IMMP2L: variants seen among roughly 807,000 people sequenced by gnomAD.
IMMP2L encodes mitochondrial inner membrane protease subunit 2.
IMMP2L carries 18 observed loss-of-function variants against 19.3 expected under a neutral mutation model. The ratio of observed to expected loss-of-function variants is 0.93; its 90% CI spans 0.64 to 1.38. The LOEUF (loss-of-function observed/expected upper bound fraction) is 1.38. IMMP2L is among the 40% of genes most tolerant of loss of function. The pLI is 0.00. For synonymous variants in IMMP2L, 76 were observed against 73.0 expected, an observed-to-expected ratio of 1.04 and a Z score of -0.21; for missense variants, 233 against 218.2, an observed-to-expected ratio of 1.07 and a Z score of -0.43.
chr7:110,667,008 A>T (rs1791507535), intron 5 of IMMP2L, among the ~76,000 whole-genome samples: 1 of 152,094 alleles, frequency 6.6e-6, no homozygotes, highest in African/African-American at 2.4e-5. Flanking sequence ...AGTAGCTGGG[A>T]CTACGGGCAC....
intron 3 of IMMP2L, among the ~76,000 whole-genome samples, chr7:111,318,757 T>C (rs1824373872): frequency 6.6e-6 from 1 of 152,160 alleles, no homozygotes; most frequent in Non-Finnish European, 1.5e-5. Context: ...TAATAGATTC[T>C]TTTAAAAATA....
chr7:111,422,829 A>G (rs886088062), intron 3 of IMMP2L, among the ~76,000 whole-genome samples: 1 of 151,820 alleles, frequency 6.6e-6, no homozygotes, highest in African/African-American at 2.4e-5. Flanking sequence ...GTTTTTGCCC[A>G]TTCAGTGTGA....
In IMMP2L at chr7:110,994,419, C is replaced by T. The variant is rs73714606; in HGVS notation, c.240-30854G>A. ...CTACATATTTTAGCTTCCCTTACTG[C>T]GAAGTATGACCATATGATTATATTT... On this transcript the variant is annotated intron_variant, in intron 3 of 5. Transcript: ENST00000405709. 1.9e-3 allele frequency among the ~76,000 whole-genome samples: 285 copies of T among 152,214 alleles called. 3 individuals carry two copies. The highest frequency in any genetic ancestry group is 6.5e-3 in the African/African-American group (271 of 41,542).
intron 3 of IMMP2L, among the ~76,000 whole-genome samples, chr7:111,268,569 C>CTTTTTTTTTTTTTTTTTTTTATTTTTTTT (rs1818085434): frequency 2.2e-5 from 1 of 44,562 alleles, no homozygotes. Context: ...TCACATTTCT[C>CTTTTTTTTTTTTTTTTTTTTATTTTTTTT]TTTTTTTTTT....
intron 3 of IMMP2L, among the ~76,000 whole-genome samples, chr7:111,303,781 T>C (rs906130844): frequency 1.3e-5 from 2 of 152,072 alleles, no homozygotes; most frequent in African/African-American, 4.8e-5. Context: ...CCACCTTTAC[T>C]AGGGTTCTTC....
At chr7:111,515,802 TC>T (rs1467417777) in intron 2 of IMMP2L, among the ~76,000 whole-genome samples, 8 of 152,076 alleles carry the variant, frequency 5.3e-5, no homozygotes, top group African/African-American at 1.9e-4. Context: ...AAAATCTTTT[TC>T]CCCCATTATA....
At chr7:111,500,350 G>C (rs1844075137) in intron 2 of IMMP2L, among the ~76,000 whole-genome samples, 1 of 152,190 alleles carries the variant, frequency 6.6e-6, no homozygotes, top group South Asian at 2.1e-4. Context: ...AAGGAGGCCT[G>C]CCTGCCTCTG....
At chr7:111,232,687 G>A (rs1053570191) in intron 3 of IMMP2L, among the ~76,000 whole-genome samples, 3 of 151,888 alleles carry the variant, frequency 2.0e-5, no homozygotes, top group Admixed American at 6.6e-5. Flanking sequence ...CCATTCCATC[G>A]CATAGGATGT....
At chr7:111,315,319 T>A (rs375137687) in intron 3 of IMMP2L, among the ~76,000 whole-genome samples, 2 of 152,052 alleles carry the variant, frequency 1.3e-5, no homozygotes, top group African/African-American at 4.8e-5. Flanking sequence ...AGGAAGAAAC[T>A]AGTATTTCCT....
At chr7:111,431,682 T>C (rs987575824) in intron 3 of IMMP2L, among the ~76,000 whole-genome samples, 3 of 151,856 alleles carry the variant, frequency 2.0e-5, no homozygotes, top group African/African-American at 4.9e-5. Context: ...AACAATTTCC[T>C]AGAGTTCAAG....
chr7:111,171,091 T>A (rs1806393766), intron 3 of IMMP2L, among the ~76,000 whole-genome samples: 2 of 151,708 alleles, frequency 1.3e-5, no homozygotes. Flanking sequence ...GAAATCAGTA[T>A]AAAAATCCAA....
intron 2 of IMMP2L, among the ~76,000 whole-genome samples, chr7:111,490,703 C>T (rs1843023059): frequency 6.6e-6 from 1 of 152,054 alleles, no homozygotes; most frequent in South Asian, 2.1e-4. Flanking sequence ...AGTTACTTAA[C>T]TTCATTATGC....
intron 3 of IMMP2L, among the ~76,000 whole-genome samples, chr7:111,085,615 G>A (rs10251428): frequency 0.03 from 4,546 of 152,188 alleles, 228 homozygotes; most frequent in African/African-American, 0.1. Context: ...ATTGTTGGCT[G>A]CACATATTTC....
At chr7:110,804,064 C>T (rs778999864) in intron 5 of IMMP2L, among the ~76,000 whole-genome samples, 4 of 152,036 alleles carry the variant, frequency 2.6e-5, no homozygotes, top group Non-Finnish European at 5.9e-5. Flanking sequence ...CAATACTCTA[C>T]ATCTAACTTC....
chr7:111,136,273 G>A (rs1256374594), intron 3 of IMMP2L, among the ~76,000 whole-genome samples: 3 of 152,018 alleles, frequency 2.0e-5, no homozygotes, highest in Non-Finnish European at 2.9e-5. Context: ...TGATCCACCC[G>A]CCTTGGCCTC....
intron 3 of IMMP2L, among the ~76,000 whole-genome samples, chr7:111,005,854 TAATC>T (rs781642780): frequency 6.6e-6 from 1 of 152,192 alleles, no homozygotes; most frequent in Non-Finnish European, 1.5e-5. Flanking sequence ...TTGCTCTTCA[TAATC>T]AATCATTCTT....
intron 3 of IMMP2L, among the ~76,000 whole-genome samples, chr7:111,200,525 T>A (rs1376360275): frequency 6.6e-6 from 1 of 152,164 alleles, no homozygotes; most frequent in Non-Finnish European, 1.5e-5. Context: ...TGGTATATAC[T>A]GGGTTCTATT....
intron 1 of IMMP2L, among the ~76,000 whole-genome samples, chr7:111,543,479 C>T (rs1848658175): frequency 6.6e-6 from 1 of 152,130 alleles, no homozygotes; most frequent in Admixed American, 6.6e-5. Flanking sequence ...CTCTGTAAGC[C>T]AGCAAGACCA....
chr7:111,016,883 TTA>T (rs1157456856), intron 3 of IMMP2L, among the ~76,000 whole-genome samples: 11 of 89,448 alleles, frequency 1.2e-4, no homozygotes, highest in African/African-American at 5.1e-4. Flanking sequence ...ATAATATATA[TTA>T]TATATAATAT....
Sources: gnomAD v4.1 joint callset for allele counts (sites outside exome capture counted in the v4.1 genomes callset) on GRCh38, gnomAD v4.1.1 for gene constraint, MANE v1.5 for transcripts, NCBI Gene and HGNC (gene_info 2026-07-23, HGNC 2026-07-21) for gene names.